Variants in OR1L8 observed in about 807,000 individuals in gnomAD.
OR1L8 encodes olfactory receptor 1L8.
For missense variants in OR1L8, 330 were observed against 377.4 expected, an observed-to-expected ratio of 0.87 and a Z score of 1.04; for synonymous variants, 148 against 147.0, an observed-to-expected ratio of 1.01 and a Z score of -0.05.
chr9:122,546,863 C>T, the OR1L8 span, among the ~76,000 whole-genome samples: 6 of 152,134 alleles, frequency 3.9e-5, no homozygotes, highest in African/African-American at 1.4e-4. Context: ...TCGGGGGGTA[C>T]ATAGTGATGT....
chr9:122,578,931 C>T (rs1448009778), intron 1 of OR1L8, among the ~76,000 whole-genome samples: 1 of 151,386 alleles, frequency 6.6e-6, no homozygotes, highest in South Asian at 2.1e-4. Context: ...CACCTGTTCC[C>T]CAAAAACCTA....
chr9:122,576,216 T>C (rs10985708), intron 3 of OR1L8, among the ~76,000 whole-genome samples: 38,820 of 150,974 alleles, frequency 0.26, 5,426 homozygotes, highest in African/African-American at 0.32. Context: ...AACATTTTCT[T>C]TTTTACATTT....
chr9:122,560,761 T>C, the OR1L8 span, among the ~76,000 whole-genome samples: 2 of 152,198 alleles, frequency 1.3e-5, no homozygotes, highest in Non-Finnish European at 2.9e-5. Context: ...CCCTTAACAT[T>C]TTTTCCTTCA....
rs369102593 is a variant in OR1L8, at chr9:122,568,036, A to G, written c.442T>C (p.Phe148Leu). 25 of 1,614,068 alleles carry G rather than the reference A, an allele frequency of 1.5e-5. No individual in the cohort carries two copies. The African/African-American group carries it at 3.1e-4, about 20-fold the overall frequency. Residue 148 changes from phenylalanine to leucine, a missense_variant, in exon 5 of 5, where the codon TTC (phenylalanine) becomes CTC (leucine). By Grantham distance (22) the Phe-to-Leu change is conservative (BLOSUM62 0). Coordinates refer to ENST00000641027, the MANE Select transcript of OR1L8 (RefSeq NM_001004454.2). ...TGGAGGTGAGGAAATGAGCAGGAGA[A>G]GGCCACCAGCAGGACACAGTGGTGG... ...SHHHCVLLVA[F>L]SCSFPHLHSL...
intron 3 of OR1L8, among the ~76,000 whole-genome samples, chr9:122,573,703 T>A (rs180884170): frequency 5.6e-4 from 86 of 152,356 alleles, no homozygotes; most frequent in Admixed American, 9.8e-4. Flanking sequence ...TATTTTTTTA[T>A]TCTCTTGACA....
chr9:122,547,915 G>A, the OR1L8 span, among the ~76,000 whole-genome samples: 2,779 of 152,040 alleles, frequency 0.018, 37 homozygotes, highest in Middle Eastern at 0.031. Flanking sequence ...CCAACATTGC[G>A]TTAAGTATTC....
chr9:122,582,849 G>T (rs1829754724), intron 1 of OR1L8, among the ~76,000 whole-genome samples: 1 of 151,788 alleles, frequency 6.6e-6, no homozygotes, highest in African/African-American at 2.4e-5. Flanking sequence ...ATATATATGA[G>T]AACAAAATAA....
At chr9:122,564,937 G>A (rs1221745754), downstream of OR1L8, among the ~76,000 whole-genome samples, 2 of 151,180 alleles carry the variant, frequency 1.3e-5, no homozygotes, top group Non-Finnish European at 3.0e-5. Context: ...CCATTATATT[G>A]ATAACATTGT....
At chr9:122,560,823 T>C in the OR1L8 span, among the ~76,000 whole-genome samples, 1 of 152,160 alleles carries the variant, frequency 6.6e-6, no homozygotes, top group Non-Finnish European at 1.5e-5. Flanking sequence ...GATCTTCTCA[T>C]GGAGTATCTT....
chr9:122,575,379 C>G (rs1409244205), intron 3 of OR1L8, among the ~76,000 whole-genome samples: 1 of 151,992 alleles, frequency 6.6e-6, no homozygotes, highest in African/African-American at 2.4e-5. Context: ...AGATACAGTT[C>G]TATCAATTTC....
chr9:122,568,543 T>C lies in OR1L8; in HGVS notation c.-66A>G. ...ACATGCTCTGATTTCATAACACCAA[T>C]CATGAGAACCTAGCAAGTCTTTGTT... On this transcript the variant is annotated 5_prime_UTR_variant, in exon 5 of 5. Transcript: ENST00000641027. 1.1e-6 allele frequency: 1 copy of C among 917,106 alleles called. No homozygotes were observed. Among genetic ancestry groups the C allele is most frequent in the Non-Finnish European group, 1.7e-6 (1 of 595,630 alleles). The allele number at this position is 917,106 out of a possible 1,614,324, so 56.8% of individuals were successfully genotyped here. A position where few individuals can be genotyped will look rare whatever the true frequency, so the allele number is the denominator to read the frequency against.
At chr9:122,559,030 C>T in the OR1L8 span, among the ~76,000 whole-genome samples, 3 of 152,166 alleles carry the variant, frequency 2.0e-5, no homozygotes, top group South Asian at 2.1e-4. Flanking sequence ...GTCATCTCAA[C>T]ATCTGTCATT....
the OR1L8 span, among the ~76,000 whole-genome samples, chr9:122,550,624 CAT>C: frequency 1.8e-4 from 28 of 151,642 alleles, no homozygotes; most frequent in African/African-American, 5.8e-4. Context: ...TGATTCACCA[CAT>C]AAACAGAATT....
At chr9:122,576,622 G>GAGAACCAGGTAGA (rs1829661822) in intron 3 of OR1L8, 144 bp downstream of exon 3, 1 of 152,116 alleles carries the variant, frequency 6.6e-6, no homozygotes, top group Non-Finnish European at 1.5e-5. Context: ...TCTTCACTGT[G>GAGAACCAGGTAGA]AGAACCAGGT....
At chr9:122,571,588 C>T (rs1829551889) in intron 4 of OR1L8, among the ~76,000 whole-genome samples, 1 of 149,074 alleles carries the variant, frequency 6.7e-6, no homozygotes, top group Non-Finnish European at 1.5e-5. Flanking sequence ...TGGTGGGGCG[C>T]ACCTGTAGTC....
downstream of OR1L8, among the ~76,000 whole-genome samples, chr9:122,566,080 C>T (rs1425275489): frequency 6.6e-6 from 1 of 152,102 alleles, no homozygotes; most frequent in Non-Finnish European, 1.5e-5. Context: ...TGAAAACACC[C>T]GAGGCATTGG....
chr9:122,561,133 G>A, the OR1L8 span, among the ~76,000 whole-genome samples: 1 of 152,086 alleles, frequency 6.6e-6, no homozygotes, highest in Non-Finnish European at 1.5e-5. Context: ...ATTGATACTT[G>A]CGTATGCTTC....
At chr9:122,553,491 A>G in the OR1L8 span, 24 of 1,614,002 alleles carry the variant, frequency 1.5e-5, no homozygotes, top group Admixed American at 4.0e-4. Context: ...CCAGAGTCAG[A>G]TCATCTCGTA....
intron 4 of OR1L8, among the ~76,000 whole-genome samples, chr9:122,570,397 T>C (rs1829523367): frequency 1.3e-5 from 2 of 152,260 alleles, no homozygotes; most frequent in African/African-American, 2.4e-5. Context: ...TGGGCCTTAA[T>C]ACACCAGAAT....
Sources: allele counts gnomAD v4.1 joint callset (sites outside exome capture counted in the v4.1 genomes callset), GRCh38; gene constraint gnomAD v4.1.1; transcripts MANE v1.5; gene names NCBI Gene and HGNC (gene_info 2026-07-23, HGNC 2026-07-21).